Variants in TTC28 observed in about 807,000 individuals in gnomAD.
TTC28 encodes the protein tetratricopeptide repeat protein 28.
A neutral mutation model predicts 198.0 loss-of-function variants in TTC28; 61 were observed. That is an observed-to-expected ratio of 0.31 (90% confidence interval 0.25 to 0.38). The LOEUF (loss-of-function observed/expected upper bound fraction) is 0.38, where lower values mean the gene tolerates loss of function less well. Among genes scored for constraint, TTC28 ranks in the 10% least tolerant of loss-of-function variants. TTC28 has a pLI of 1.00. For missense variants in TTC28, 2,678 were observed against 3,164.0 expected (o/e 0.85, Z 3.69); for synonymous variants, 1,171 against 1,297.8 (o/e 0.90, Z 2.10).
chr22:28,162,695 T>C (rs1421196984), intron 6 of TTC28, among the ~76,000 whole-genome samples: 2 of 152,198 alleles, frequency 1.3e-5, no homozygotes, highest in South Asian at 2.1e-4. Flanking sequence ...TATGCCATAA[T>C]TGTAGCACTT....
intron 2 of TTC28, among the ~76,000 whole-genome samples, chr22:28,453,054 G>T (rs553759684): frequency 6.6e-6 from 1 of 152,122 alleles, no homozygotes; most frequent in East Asian, 1.9e-4. Flanking sequence ...GGTAGCCAGG[G>T]TACAACAGTT....
intron 12 of TTC28, among the ~76,000 whole-genome samples, chr22:28,072,787 G>A (rs772091446): frequency 1.3e-5 from 2 of 152,208 alleles, no homozygotes; most frequent in Non-Finnish European, 2.9e-5. Flanking sequence ...GCAGGGGGAA[G>A]CCGGCTCCTG....
intron 2 of TTC28, among the ~76,000 whole-genome samples, chr22:28,323,764 AGG>A (rs1261489519): frequency 1.3e-5 from 2 of 152,224 alleles, no homozygotes; most frequent in Non-Finnish European, 2.9e-5. Context: ...CAAGAACAAG[AGG>A]GTTATAGAAC....
chr22:28,663,140 C>T (rs150939928), intron 1 of TTC28, among the ~76,000 whole-genome samples: 30 of 150,870 alleles, frequency 2.0e-4, no homozygotes, highest in African/African-American at 6.8e-4. Context: ...CCCAGCTACT[C>T]GGAAGGCTGA....
In TTC28 at chr22:28,105,533, T is replaced by C; in HGVS notation, c.3053A>G (p.Gln1018Arg). ...QQMGEYDTALQYHQLDLQIAE... is the reference protein window; with the variant it reads ...QQMGEYDTALRYHQLDLQIAE... ...TATCTGTAGATCAAGCTGGTGGTAC[T>C]GCAGGGCTGTGTCATACTCCCCCAT... The change falls in exon 8 of 23, where the codon CAG becomes CGG. Residue 1018 changes from glutamine to arginine, a missense_variant. Gln to Arg is a conservative substitution (Grantham distance 43, BLOSUM62 1). This residue lies in a region of TTC28 where 727 missense variants were observed against 861.9 expected (regional missense o/e 0.84). Coordinates refer to ENST00000397906, the MANE Select transcript of TTC28 (RefSeq NM_001145418.2). 1.3e-6 allele frequency: 2 copies of C among 1,551,710 alleles called. No individual in the cohort carries two copies. The highest frequency in any genetic ancestry group is 1.7e-6 in the Non-Finnish European group (2 of 1,147,004).
chr22:28,099,769 C>T (rs968704181), intron 9 of TTC28, among the ~76,000 whole-genome samples: 6 of 152,220 alleles, frequency 3.9e-5, no homozygotes, highest in Admixed American at 2.6e-4. Context: ...TCACCACCCT[C>T]GTGCCTCATG....
Position 28,214,075 on chromosome 22 carries a change from A to G in TTC28, c.934-50476T>C, listed in dbSNP as rs557118963. Among the ~76,000 whole-genome samples the G allele has an allele frequency of 6.9e-4, 105 of 152,322 alleles. 1 individual carries two copies. Among genetic ancestry groups the G allele is most frequent in the Non-Finnish European group, 1.4e-3 (92 of 68,020 alleles). ...ATGGTGCTGGGAAAACTGGCTAGCC[A>G]TATGTAGAAAGCTGAAACTGGATCC... On this transcript the variant is annotated intron_variant, in intron 5 of 22. Coordinates refer to ENST00000397906, the MANE Select transcript of TTC28 (RefSeq NM_001145418.2).
Position 28,163,242 on chromosome 22 carries a change from C to A in TTC28, c.1291G>T (p.Ala431Ser). 4.5e-6 allele frequency: 7 copies of A among 1,551,800 alleles called. No individual in the cohort carries two copies. The highest frequency in any genetic ancestry group is 6.1e-6 in the Non-Finnish European group (7 of 1,147,028). ...CCAGCATAGGCCCGCATCTCAATAG[C>A]CTTCTCCATCAACTCCTGTGCCAGC... is the stretch of plus-strand genomic sequence containing the variant. ...LELAQELMEK[A>S]IEMRAYAGLG... Residue 431 changes from alanine to serine, a missense_variant, in exon 6 of 23, where the codon GCT (alanine) becomes TCT (serine). Ala to Ser is a moderately conservative substitution (Grantham distance 99). Around this residue, in one of 8 missense-constraint regions of TTC28, gnomAD observed 775 missense variants for 845.9 expected, o/e 0.92. Transcript: ENST00000397906.
intron 2 of TTC28, among the ~76,000 whole-genome samples, chr22:28,313,571 T>C (rs1466744194): frequency 6.6e-6 from 1 of 152,166 alleles, no homozygotes; most frequent in East Asian, 1.9e-4. Context: ...CGCAAATCAA[T>C]AAACGTAATC....
intron 3 of TTC28, 30 bp downstream of exon 3, chr22:28,306,466 T>G: frequency 1.3e-6 from 2 of 1,541,192 alleles, no homozygotes; most frequent in South Asian, 2.4e-5. Flanking sequence ...TTTAAATTAA[T>G]GTTATACCAA....
chr22:28,041,566 G>A (rs538174704), intron 12 of TTC28, among the ~76,000 whole-genome samples: 36 of 151,990 alleles, frequency 2.4e-4, no homozygotes, highest in African/African-American at 7.2e-4. Flanking sequence ...TCCTTACACC[G>A]TATACAAAAA....
At position 28,446,129 on chromosome 22, in the gene TTC28, G is replaced by T. The variant is rs571924316; in HGVS notation, c.382-139486C>A. Among the ~76,000 whole-genome samples the T allele has an allele frequency of 1.3e-4, 20 of 152,262 alleles. No homozygotes were observed. In the East Asian group the frequency reaches 3.3e-3, roughly 25 times the overall value. On this transcript the variant is annotated intron_variant, in intron 2 of 22. Transcript: ENST00000397906. Reference sequence around the variant, plus strand: ...AATACAAAATAAAAATACCGAGCCGGTATCTAAAATACAAGTATGGGAATG... The same window carrying T: ...AATACAAAATAAAAATACCGAGCCGTTATCTAAAATACAAGTATGGGAATG...
intron 2 of TTC28, among the ~76,000 whole-genome samples, chr22:28,494,447 G>A (rs1301015544): frequency 6.6e-6 from 1 of 152,090 alleles, no homozygotes; most frequent in Non-Finnish European, 1.5e-5. Flanking sequence ...CCCTACTTAA[G>A]CTTAACTAAT....
At chr22:28,222,071 A>G (rs1211199843) in intron 5 of TTC28, among the ~76,000 whole-genome samples, 1 of 152,182 alleles carries the variant, frequency 6.6e-6, no homozygotes, top group African/African-American at 2.4e-5. Context: ...TCCGCCTGCT[A>G]TACACCCACT....
intron 12 of TTC28, among the ~76,000 whole-genome samples, chr22:28,035,248 A>G (rs1939292780): frequency 6.6e-6 from 1 of 152,038 alleles, no homozygotes; most frequent in Non-Finnish European, 1.5e-5. Flanking sequence ...AACCAATTGC[A>G]ACCCTGAAGC....
At chr22:28,217,690 T>C (rs980346963) in intron 5 of TTC28, among the ~76,000 whole-genome samples, 2 of 152,202 alleles carry the variant, frequency 1.3e-5, no homozygotes, top group East Asian at 1.9e-4. Context: ...CACTTTTTAG[T>C]CTCAGGATCA....
intron 5 of TTC28, among the ~76,000 whole-genome samples, chr22:28,251,614 G>A (rs1026655081): frequency 2.6e-5 from 4 of 152,138 alleles, no homozygotes; most frequent in Non-Finnish European, 4.4e-5. Context: ...CAAATATAGG[G>A]TGGCATATGA....
In TTC28 at chr22:28,163,165, G is replaced by A; in HGVS notation, c.1368C>T (p.Tyr456=). The A allele has an allele frequency of 6.4e-7, 1 of 1,551,680 alleles. No homozygotes were observed. The highest frequency in any genetic ancestry group is 8.7e-7 in the Non-Finnish European group (1 of 1,147,008). Residue 456 remains tyrosine (Y), a synonymous_variant, in exon 6 of 23, where the codon TAC becomes TAT. Transcript: ENST00000397906. Reference sequence around the variant, plus strand: ...CAGCAATGCCCAGCTGCTGCTCATGGTATTGTTTAGCTCTCTCCAAATCCT... The same window carrying A: ...CAGCAATGCCCAGCTGCTGCTCATGATATTGTTTAGCTCTCTCCAAATCCT... ...CMQDLERAKQ[Y]HEQQLGIAED...
At chr22:28,072,644 T>C (rs1165935184) in intron 12 of TTC28, among the ~76,000 whole-genome samples, 1 of 152,166 alleles carries the variant, frequency 6.6e-6, no homozygotes, top group Non-Finnish European at 1.5e-5. Flanking sequence ...GTGTAAGCAA[T>C]TCCTGCCTTC....
Sources: allele counts gnomAD v4.1 joint callset (sites outside exome capture counted in the v4.1 genomes callset), GRCh38; gene constraint gnomAD v4.1.1; regional missense constraint gnomAD v4.1.1; transcripts MANE v1.5; gene names NCBI Gene and HGNC (gene_info 2026-07-23, HGNC 2026-07-21).